The following PCMT1 variants were observed in gnomAD, a reference collection of about 807,000 sequenced individuals.
The protein encoded by PCMT1 is protein-L-isoaspartate (D-aspartate) O-methyltransferase.
In PCMT1, 9 loss-of-function variants were observed where a neutral mutation model predicts 29.2. That is an observed-to-expected ratio of 0.31 (90% CI 0.19 to 0.54). The LOEUF (loss-of-function observed/expected upper bound fraction) is 0.54, where lower values mean the gene tolerates loss of function less well. Ranked by LOEUF, PCMT1 falls within the 20% of genes least tolerant of loss-of-function variation. The probability of loss-of-function intolerance (pLI) is 0.95; values close to 1 mark genes in which losing one functional copy is unlikely to be tolerated. For missense variants in PCMT1, 184 were observed against 282.2 expected (o/e 0.65, Z 2.49); for synonymous variants, 98 against 97.5 (o/e 1.00, Z -0.03).
chr6:149,791,204 G>A (rs1401976956), intron 4 of PCMT1, among the ~76,000 whole-genome samples: 2 of 152,130 alleles, frequency 1.3e-5, no homozygotes, highest in Non-Finnish European at 2.9e-5. Flanking sequence ...TCTCCCAGGG[G>A]ACTCATTTCC....
rs571710614 is a variant in PCMT1 at position 149,808,752 on chromosome 6, T to A, written c.*38-1864T>A. Among the ~76,000 whole-genome samples, 6 of 152,004 alleles carry A rather than the reference T, an allele frequency of 3.9e-5. No homozygotes were observed. The East Asian group carries it at 9.8e-4, about 25-fold the overall frequency. On this transcript the variant is annotated intron_variant, in intron 7 of 7. Coordinates refer to ENST00000464889, the MANE Select transcript of PCMT1 (RefSeq NM_001360452.2). ...CCCTGGTTTAAGCGATTCTCCTGCC[T>A]CAGCCTCCCGAATAGCTAGGATTAC...
chr6:149,771,767 G>A (rs1032474219), intron 2 of PCMT1, among the ~76,000 whole-genome samples: 3 of 152,032 alleles, frequency 2.0e-5, no homozygotes, highest in Non-Finnish European at 4.4e-5. Flanking sequence ...AACCACCCGT[G>A]TTGGCCTCCC....
intron 5 of PCMT1, among the ~76,000 whole-genome samples, chr6:149,794,021 C>A (rs1788493815): frequency 6.6e-6 from 1 of 152,082 alleles, no homozygotes; most frequent in Admixed American, 6.6e-5. Flanking sequence ...CATTTCTTCT[C>A]CCATCTGAGG....
chr6:149,749,747 G>T lies in PCMT1; in HGVS notation c.-155G>T, dbSNP rs766546974. 2.6e-6 allele frequency: 4 copies of T among 1,545,074 alleles called. No homozygotes were observed. The South Asian group carries it at 4.8e-5, about 18-fold the overall frequency. On this transcript the variant is annotated 5_prime_UTR_variant, in exon 1 of 8. Transcript: ENST00000464889. The stretch of plus-strand genomic sequence containing the variant: ...CGGGGGATGCCGGGAGCGCGCAGTG[G>T]CGGCAGCGGCGGCGACGGCAGTAAC...
At chr6:149,768,670 A>G (rs922297649) in intron 1 of PCMT1, among the ~76,000 whole-genome samples, 2 of 151,076 alleles carry the variant, frequency 1.3e-5, no homozygotes, top group African/African-American at 4.9e-5. Context: ...TCTGTTGCTC[A>G]TGCTTGAGTG....
intron 7 of PCMT1, among the ~76,000 whole-genome samples, chr6:149,806,496 TCTGGGAATTATCATCTAAAAAGTTCC>T (rs1458965338): frequency 6.6e-6 from 1 of 152,248 alleles, no homozygotes; most frequent in East Asian, 1.9e-4. Context: ...GTCACTGTTT[TCTGGGAATTATCATCTAAAAAGTTCC>T]CTAGTCAACT....
intron 1 of PCMT1, among the ~76,000 whole-genome samples, chr6:149,757,505 T>A (rs1269658962): frequency 6.6e-6 from 1 of 152,194 alleles, no homozygotes; most frequent in African/African-American, 2.4e-5. Context: ...AGGATCAGCA[T>A]CTTACATGGT....
At chr6:149,805,440 A>C (rs1466781167) in intron 7 of PCMT1, among the ~76,000 whole-genome samples, 15 of 149,608 alleles carry the variant, frequency 1.0e-4, no homozygotes. Flanking sequence ...AAAAATACAA[A>C]AAAATTAGCC....
chr6:149,777,849 CTTCCTTCCTTCT>C (rs1787637282), intron 3 of PCMT1, among the ~76,000 whole-genome samples: 1 of 139,532 alleles, frequency 7.2e-6, no homozygotes, highest in African/African-American at 2.7e-5. Context: ...TCCTTCCTTC[CTTCCTTCCTTCT>C]TTCCTTCTTT....
intron 1 of PCMT1, among the ~76,000 whole-genome samples, chr6:149,751,728 C>G (rs907399626): frequency 6.6e-6 from 1 of 152,014 alleles, no homozygotes; most frequent in Non-Finnish European, 1.5e-5. Flanking sequence ...GATCTGCCCA[C>G]CTCGGCCTCC....
intron 7 of PCMT1, among the ~76,000 whole-genome samples, chr6:149,807,617 C>T (rs181122408): frequency 5.4e-4 from 82 of 152,204 alleles, no homozygotes; most frequent in East Asian, 2.1e-3. Flanking sequence ...GTGATCCACC[C>T]GCCTCAGCCT....
chr6:149,785,094 CTAAAG>C (rs1394943748), intron 3 of PCMT1, among the ~76,000 whole-genome samples: 2 of 150,764 alleles, frequency 1.3e-5, no homozygotes, highest in African/African-American at 4.9e-5. Flanking sequence ...TGTTTATTGA[CTAAAG>C]TAGTTCATTT....
intron 1 of PCMT1, among the ~76,000 whole-genome samples, chr6:149,757,739 C>T (rs1055117507): frequency 2.0e-5 from 3 of 152,024 alleles, no homozygotes; most frequent in African/African-American, 7.3e-5. Flanking sequence ...AATGGTTGAC[C>T]ATTTCACTGT....
At chr6:149,762,569 TATATATCTATG>T (rs1395025518) in intron 1 of PCMT1, among the ~76,000 whole-genome samples, 5 of 37,446 alleles carry the variant, frequency 1.3e-4, no homozygotes, top group Non-Finnish European at 1.5e-4. Context: ...ATCTATGATA[TATATATCTATG>T]ATATATATAT....
At chr6:149,788,481 T>C (rs944484411) in intron 3 of PCMT1, among the ~76,000 whole-genome samples, 1 of 152,232 alleles carries the variant, frequency 6.6e-6, no homozygotes, top group Non-Finnish European at 1.5e-5. Flanking sequence ...TTGAAAATTT[T>C]TACGAATATG....
In PCMT1 at chr6:149,749,822, T is replaced by C. The variant is rs1172476028; in HGVS notation, c.-80T>C. 6 of 1,556,890 alleles carry C rather than the reference T, an allele frequency of 3.9e-6. No homozygotes were observed. Among genetic ancestry groups the C allele is most frequent in the Non-Finnish European group, 4.3e-6 (5 of 1,149,938 alleles). Reference sequence around the variant, plus strand: ...AGCGGGGCGGTGACGGTGTGGGAGGTGGTCTCACTCTTGGGAAAACTGCTG... The same window carrying C: ...AGCGGGGCGGTGACGGTGTGGGAGGCGGTCTCACTCTTGGGAAAACTGCTG... On this transcript the variant is annotated 5_prime_UTR_variant, in exon 1 of 8. Transcript: ENST00000464889.
At chr6:149,771,716 C>T (rs1405862830) in intron 2 of PCMT1, among the ~76,000 whole-genome samples, 5 of 152,158 alleles carry the variant, frequency 3.3e-5, no homozygotes, top group East Asian at 1.9e-4. Context: ...GGGGTTTCAG[C>T]GTGTTGCCCA....
intron 7 of PCMT1, among the ~76,000 whole-genome samples, chr6:149,809,276 A>G (rs1405440356): frequency 1.3e-5 from 2 of 150,102 alleles, no homozygotes; most frequent in Non-Finnish European, 3.0e-5. Context: ...AAAAAAAAAA[A>G]AAAAAGCCAA....
At chr6:149,763,618 C>T (rs190494970) in intron 1 of PCMT1, among the ~76,000 whole-genome samples, 4 of 152,056 alleles carry the variant, frequency 2.6e-5, no homozygotes, top group Non-Finnish European at 2.9e-5. Flanking sequence ...AGTATATTAT[C>T]GAGCTTGAAG....
Sources: gnomAD v4.1 joint callset for allele counts (sites outside exome capture counted in the v4.1 genomes callset) on GRCh38, gnomAD v4.1.1 for gene constraint, MANE v1.5 for transcripts, NCBI Gene and HGNC (gene_info 2026-07-23, HGNC 2026-07-21) for gene names.